SLC22A24: variants seen among roughly 807,000 people sequenced by gnomAD.
SLC22A24 encodes steroid transmembrane transporter SLC22A24.
In SLC22A24, 53 loss-of-function variants were observed where a neutral mutation model predicts 49.8. The observed-to-expected ratio is 1.06, with a 90% CI of 0.85 to 1.34. SLC22A24 has a LOEUF of 1.34. SLC22A24 is among the 40% of genes most tolerant of loss of function. SLC22A24 has a pLI of 0.00. For synonymous variants in SLC22A24, 302 were observed against 256.4 expected, an observed-to-expected ratio of 1.18 and a Z score of -1.70; for missense variants, 786 against 675.9, an observed-to-expected ratio of 1.16 and a Z score of -1.81.
At chr11:63,123,340 A>T (rs542467233) in intron 2 of SLC22A24, among the ~76,000 whole-genome samples, 2 of 152,204 alleles carry the variant, frequency 1.3e-5, no homozygotes, top group Non-Finnish European at 2.9e-5. Context: ...AATGGTGATC[A>T]TATGGTGAGT....
chr11:63,133,826 G>T (rs1337541050), intron 2 of SLC22A24, among the ~76,000 whole-genome samples: 3 of 151,976 alleles, frequency 2.0e-5, no homozygotes, highest in Non-Finnish European at 4.4e-5. Context: ...TGTATTTTTA[G>T]TAGAGATGGG....
At chr11:63,139,415 T>C in intron 1 of SLC22A24, among the ~76,000 whole-genome samples, 1 of 152,194 alleles carries the variant, frequency 6.6e-6, no homozygotes, top group East Asian at 1.9e-4. Context: ...CAGAAATTAC[T>C]TTTCATTATG....
At chr11:63,122,697 T>G (rs891670622) in intron 2 of SLC22A24, among the ~76,000 whole-genome samples, 4 of 152,028 alleles carry the variant, frequency 2.6e-5, no homozygotes, top group Non-Finnish European at 5.9e-5. Flanking sequence ...TTATTTTGTA[T>G]TTTTAGTAGA....
At chr11:63,136,519 C>G (rs1204858026) in intron 1 of SLC22A24, among the ~76,000 whole-genome samples, 1 of 152,218 alleles carries the variant, frequency 6.6e-6, no homozygotes, top group Non-Finnish European at 1.5e-5. Context: ...TTCACCTGAC[C>G]TCTTGCCAAC....
chr11:63,140,076 T>G (rs11231380), intron 1 of SLC22A24, among the ~76,000 whole-genome samples: 95,687 of 136,290 alleles, frequency 0.7, 33,716 homozygotes, highest in East Asian at 0.89. Flanking sequence ...TGTTTTTTTG[T>G]TTTTTTTTTT....
chr11:63,100,960 GA>G (rs776408817), intron 5 of SLC22A24, among the ~76,000 whole-genome samples: 5 of 152,034 alleles, frequency 3.3e-5, no homozygotes, highest in African/African-American at 7.2e-5. Flanking sequence ...AAGCACTGGG[GA>G]AACTCTCCAG....
At chr11:63,129,240 C>A (rs2087316120) in intron 2 of SLC22A24, among the ~76,000 whole-genome samples, 1 of 152,190 alleles carries the variant, frequency 6.6e-6, no homozygotes, top group Non-Finnish European at 1.5e-5. Context: ...GAAATCCTTT[C>A]CCCATTGCTT....
chr11:63,107,976 T>C (rs575883433), intron 4 of SLC22A24, among the ~76,000 whole-genome samples: 2 of 152,228 alleles, frequency 1.3e-5, no homozygotes, highest in East Asian at 3.9e-4. Context: ...CTATGTTGAA[T>C]AGGAGTGGTG....
chr11:63,143,469 G>A lies in SLC22A24; in HGVS notation c.311C>T (p.Thr104Ile). Residue 104 changes from threonine to isoleucine, a missense_variant, in exon 1 of 10, where the codon ACC becomes ATC. By Grantham distance (89) the Thr-to-Ile change is moderately conservative. Transcript: ENST00000612278. ...PQWQLLHLNG[T>I]FPNTNEPDTE... The stretch of plus-strand genomic sequence containing the variant: ...GTCTGGCTCATTTGTGTTGGGGAAG[G>A]TCCCGTTCAGGTGAAGGAGCTGCCA... The A allele has an allele frequency of 6.3e-7, 1 of 1,597,518 alleles. No individual in the cohort carries two copies. The highest frequency in any genetic ancestry group is 1.1e-5 in the South Asian group (1 of 88,284).
chr11:63,136,388 T>G (rs940890025), intron 1 of SLC22A24, among the ~76,000 whole-genome samples: 4 of 152,192 alleles, frequency 2.6e-5, no homozygotes, highest in African/African-American at 9.7e-5. Context: ...CACCTGCAAC[T>G]GGCACTGGTC....
chr11:63,102,738 A>G (rs2087098683), intron 5 of SLC22A24, among the ~76,000 whole-genome samples: 1 of 152,132 alleles, frequency 6.6e-6, no homozygotes, highest in Non-Finnish European at 1.5e-5. Context: ...CCAAAAGGGA[A>G]GAGATTGTAG....
intron 6 of SLC22A24, among the ~76,000 whole-genome samples, chr11:63,093,563 G>C (rs1464883631): frequency 6.6e-6 from 1 of 151,922 alleles, no homozygotes; most frequent in African/African-American, 2.4e-5. Flanking sequence ...GGGGCTGGAG[G>C]TTATTATCCT....
chr11:63,131,333 G>A (rs2087333956), intron 2 of SLC22A24, among the ~76,000 whole-genome samples: 1 of 152,090 alleles, frequency 6.6e-6, no homozygotes, highest in Admixed American at 6.5e-5. Context: ...ATGTTAGCTG[G>A]TTATTTTGCC....
In SLC22A24 at chr11:63,081,597, G is replaced by T; in HGVS notation, c.1355C>A (p.Ala452Asp). The T allele has an allele frequency of 6.4e-7, 1 of 1,551,550 alleles. No homozygotes were observed. The highest frequency in any genetic ancestry group is 8.7e-7 in the Non-Finnish European group (1 of 1,146,866). Residue 452 changes from alanine (A) to aspartate (D), a missense_variant, in exon 8 of 10, where the codon GCT (alanine) becomes GAT (aspartate). Physicochemically the swap from Ala to Asp is moderately radical, Grantham distance 126. Coordinates refer to ENST00000612278, the MANE Select transcript of SLC22A24 (RefSeq NM_001136506.2). ...IGSVSAASNS[A>D]SVHHNELVPT... is the part of the protein sequence containing the mutation. ...GACGAGCTCGTTGTGGTGGACAGAA[G>T]CACTGTTGCTAGCAGCAGAAACACT...
chr11:63,103,150 G>A (rs758631066), intron 5 of SLC22A24, among the ~76,000 whole-genome samples: 1 of 152,126 alleles, frequency 6.6e-6, no homozygotes, highest in Non-Finnish European at 1.5e-5. Flanking sequence ...TGGGGCCAGA[G>A]GCTAGAATCT....
intron 4 of SLC22A24, among the ~76,000 whole-genome samples, chr11:63,116,955 A>C (rs1433568995): frequency 1.9e-5 from 2 of 105,682 alleles, no homozygotes; most frequent in Admixed American, 1.1e-4. Flanking sequence ...GATGTTTTCT[A>C]TTTGGAGACA....
intron 4 of SLC22A24, among the ~76,000 whole-genome samples, chr11:63,108,724 G>A (rs2087139713): frequency 6.6e-6 from 1 of 151,604 alleles, no homozygotes; most frequent in Non-Finnish European, 1.5e-5. Context: ...TTGCATAGAG[G>A]TGTTTATAGT....
chr11:63,083,286 G>A lies in SLC22A24; in HGVS notation c.1242C>T (p.Phe414=), dbSNP rs1415523529. Residue 414 remains phenylalanine, a synonymous_variant, in exon 7 of 10, where the codon TTC becomes TTT. Coordinates refer to ENST00000612278, the MANE Select transcript of SLC22A24 (RefSeq NM_001136506.2). ...TGACCAGAATGAAAAGTCCCACCGG[G>A]AACGTGAACAATATCTGGCTTATTC... ...GRRISQILFT[F]PVGLFILVNT... 2.9e-5 allele frequency: 45 copies of A among 1,561,356 alleles called. No homozygotes were observed. Among genetic ancestry groups the A allele is most frequent in the Non-Finnish European group, 3.8e-5 (44 of 1,151,768 alleles).
At chr11:63,120,759 A>G (rs2087246216) in intron 2 of SLC22A24, among the ~76,000 whole-genome samples, 1 of 152,142 alleles carries the variant, frequency 6.6e-6, no homozygotes, top group Non-Finnish European at 1.5e-5. Flanking sequence ...CCCTAGTAGT[A>G]TATTTATGTC....
Sources: gnomAD v4.1 joint callset for allele counts (sites outside exome capture counted in the v4.1 genomes callset) on GRCh38, gnomAD v4.1.1 for gene constraint, MANE v1.5 for transcripts, NCBI Gene and HGNC (gene_info 2026-07-23, HGNC 2026-07-21) for gene names.